The following QKI variants were observed in gnomAD, a reference collection of about 807,000 sequenced individuals.
QKI encodes QKI, KH domain containing RNA binding.
A neutral mutation model predicts 39.0 loss-of-function variants in QKI; 10 were observed. That is an observed-to-expected ratio of 0.26 (90% CI 0.16 to 0.43). QKI has a LOEUF of 0.43. QKI is among the 20% of genes least tolerant of loss of function. The pLI is 1.00. For missense variants in QKI, 218 were observed against 428.0 expected (o/e 0.51, Z 4.33); for synonymous variants, 204 against 155.4 (o/e 1.31, Z -2.33).
At chr6:163,428,047 A>T (rs1026447020) in intron 1 of QKI, among the ~76,000 whole-genome samples, 2 of 152,246 alleles carry the variant, frequency 1.3e-5, no homozygotes, top group Non-Finnish European at 2.9e-5. Flanking sequence ...GCACTCAGTG[A>T]TTAAAATGTG....
chr6:163,489,795 A>G (rs541694126), intron 3 of QKI, among the ~76,000 whole-genome samples: 10 of 152,282 alleles, frequency 6.6e-5, no homozygotes, highest in African/African-American at 2.4e-4. Flanking sequence ...GAACCATTAT[A>G]GTTACACAGG....
chr6:163,484,493 A>G (rs796160118), intron 3 of QKI, among the ~76,000 whole-genome samples: 102 of 152,182 alleles, frequency 6.7e-4, no homozygotes, highest in African/African-American at 2.4e-3. Flanking sequence ...GAGCCACTGC[A>G]CCTGTCCCAT....
intron 1 of QKI, among the ~76,000 whole-genome samples, chr6:163,442,832 G>T (rs1177969688): frequency 6.6e-6 from 1 of 152,102 alleles, no homozygotes; most frequent in African/African-American, 2.4e-5. Flanking sequence ...TTGTTGGATT[G>T]TATTAGTAAT....
At chr6:163,560,632 G>A (rs1052289138) in intron 4 of QKI, among the ~76,000 whole-genome samples, 2 of 152,176 alleles carry the variant, frequency 1.3e-5, no homozygotes, top group African/African-American at 4.8e-5. Context: ...ACTTACATAC[G>A]TGTGTAAAGT....
intron 3 of QKI, among the ~76,000 whole-genome samples, chr6:163,501,854 C>G (rs1353339906): frequency 6.6e-6 from 1 of 152,186 alleles, no homozygotes; most frequent in Non-Finnish European, 1.5e-5. Flanking sequence ...CTTTATTTAT[C>G]TGTTTGGAAG....
intron 1 of QKI, among the ~76,000 whole-genome samples, chr6:163,443,010 A>G (rs1050540401): frequency 2.0e-5 from 3 of 152,186 alleles, no homozygotes; most frequent in Non-Finnish European, 2.9e-5. Context: ...ATAAATGTAG[A>G]TTTGCCAGTA....
intron 1 of QKI, among the ~76,000 whole-genome samples, chr6:163,421,750 CTTTTTT>C (rs766565039): frequency 1.6e-4 from 23 of 143,878 alleles, no homozygotes; most frequent in African/African-American, 5.6e-4. Flanking sequence ...TTTCTTTTTT[CTTTTTT>C]TTTTTTCAGT....
At chr6:163,542,327 C>G (rs1356502464) in intron 4 of QKI, among the ~76,000 whole-genome samples, 1 of 151,886 alleles carries the variant, frequency 6.6e-6, no homozygotes, top group Non-Finnish European at 1.5e-5. Flanking sequence ...GATACATATT[C>G]TATGATCTTT....
At chr6:163,545,789 TA>T (rs889967208) in intron 4 of QKI, among the ~76,000 whole-genome samples, 2 of 151,046 alleles carry the variant, frequency 1.3e-5, no homozygotes, top group African/African-American at 2.4e-5. Flanking sequence ...GTTGCAAATG[TA>T]AAAAAAAGGG....
chr6:163,553,114 A>G (rs1184484182), intron 4 of QKI, among the ~76,000 whole-genome samples: 1 of 80,308 alleles, frequency 1.2e-5, no homozygotes, highest in African/African-American at 5.2e-5. Flanking sequence ...TTATTTATTT[A>G]TTTTTTGAGA....
intron 7 of QKI, chr6:163,567,130 A>G (rs536155131): frequency 6.1e-4 from 622 of 1,018,598 alleles, no homozygotes; most frequent in Non-Finnish European, 6.7e-4. Flanking sequence ...TTTACCTTTT[A>G]AAAGTTCTGA....
At chr6:163,473,905 T>C (rs1293770933) in intron 2 of QKI, among the ~76,000 whole-genome samples, 1 of 127,760 alleles carries the variant, frequency 7.8e-6, no homozygotes, top group African/African-American at 2.7e-5. Context: ...CAGTTCTATT[T>C]ATGAATGGAC....
At chr6:163,538,363 C>G (rs1781324214) in intron 4 of QKI, among the ~76,000 whole-genome samples, 2 of 152,136 alleles carry the variant, frequency 1.3e-5, no homozygotes, top group Admixed American at 1.3e-4. Flanking sequence ...GATTAGGGAA[C>G]TGCTATTTTA....
intron 3 of QKI, among the ~76,000 whole-genome samples, chr6:163,509,303 G>A (rs1373853841): frequency 6.6e-6 from 1 of 152,134 alleles, no homozygotes; most frequent in Non-Finnish European, 1.5e-5. Context: ...AAGCACACCA[G>A]GTAATGCTAA....
In QKI at chr6:163,563,732, C is replaced by G; in HGVS notation, c.934+13C>G. 2 of 1,601,978 alleles carry G rather than the reference C, an allele frequency of 1.2e-6. No individual in the cohort carries two copies. The highest frequency in any genetic ancestry group is 1.7e-6 in the Non-Finnish European group (2 of 1,172,916). On this transcript the variant is annotated intron_variant, in intron 6 of 7. Coordinates refer to ENST00000361752, the MANE Select transcript of QKI (RefSeq NM_006775.3). ...AGTGGTGTATTAGGTAAGTTCTTCTCCCCATGGGGTTAACAACATTCTCTT... is the reference window on the plus strand; with the variant it reads ...AGTGGTGTATTAGGTAAGTTCTTCTGCCCATGGGGTTAACAACATTCTCTT...
In QKI at chr6:163,574,370, A is replaced by G. The variant is rs116332831; in HGVS notation, c.*3660A>G. The G allele has an allele frequency of 1.2e-3, 185 of 152,296 alleles. 1 individual carries two copies. Among genetic ancestry groups the G allele is most frequent in the African/African-American group, 4.2e-3 (175 of 41,562 alleles). 9.4% of individuals were successfully genotyped at this position (152,296 alleles called of 1,614,324 possible). A position where few individuals can be genotyped will look rare whatever the true frequency, so the allele number is the denominator to read the frequency against. On this transcript the variant is annotated 3_prime_UTR_variant, in exon 8 of 8. Transcript: ENST00000361752. ...GGAAAGCGTTGAACTTGTTTAGCTA[A>G]CTACTCCTATTAGGGGAGCTTAACT...
intron 3 of QKI, among the ~76,000 whole-genome samples, chr6:163,508,558 T>A (rs1273433798): frequency 6.8e-6 from 1 of 147,994 alleles, no homozygotes. Context: ...TGATGGCGTT[T>A]CACTCTTGTT....
chr6:163,522,350 T>C (rs1043704513), intron 3 of QKI, among the ~76,000 whole-genome samples: 2 of 152,134 alleles, frequency 1.3e-5, no homozygotes, highest in Admixed American at 6.5e-5. Context: ...CAATTATTAT[T>C]TATGTATTTA....
chr6:163,432,610 A>T (rs1294484856), intron 1 of QKI, among the ~76,000 whole-genome samples: 2 of 152,136 alleles, frequency 1.3e-5, no homozygotes, highest in Non-Finnish European at 2.9e-5. Context: ...GATATTGCCC[A>T]GCCTGGTCTT....
Sources: gnomAD v4.1 joint callset for allele counts (sites outside exome capture counted in the v4.1 genomes callset) on GRCh38, gnomAD v4.1.1 for gene constraint, MANE v1.5 for transcripts, NCBI Gene and HGNC (gene_info 2026-07-23, HGNC 2026-07-21) for gene names.